PPP2R5A: variants seen among roughly 807,000 people sequenced by gnomAD.
The protein encoded by PPP2R5A is protein phosphatase 2 regulatory subunit B'alpha.
Under a neutral mutation model 64.2 loss-of-function variants are expected in PPP2R5A, and 25 were observed. That is an observed-to-expected ratio of 0.39 (90% CI 0.28 to 0.54). PPP2R5A has a LOEUF of 0.54. PPP2R5A is among the 20% of genes least tolerant of loss of function. PPP2R5A has a pLI of 0.67. For synonymous variants in PPP2R5A, 198 were observed against 201.2 expected (o/e 0.98, Z 0.13); for missense variants, 425 against 576.3 (o/e 0.74, Z 2.69).
At chr1:212,355,834 G>A (rs1044053113) in intron 8 of PPP2R5A, among the ~76,000 whole-genome samples, 3 of 152,098 alleles carry the variant, frequency 2.0e-5, no homozygotes, top group Non-Finnish European at 4.4e-5. Context: ...TTGGGAGGCC[G>A]AGGCTGGTGG....
intron 1 of PPP2R5A, among the ~76,000 whole-genome samples, chr1:212,293,782 T>C (rs1658644734): frequency 6.6e-6 from 1 of 152,126 alleles, no homozygotes; most frequent in African/African-American, 2.4e-5. Context: ...GGAATGGTGA[T>C]GCTAATTGCC....
In PPP2R5A at chr1:212,286,146, C is replaced by A. The variant is rs867673779; in HGVS notation, c.36C>A (p.Ser12Arg). Residue 12 changes from serine to arginine, a missense_variant, in exon 1 of 13, where the codon AGC becomes AGA. Physicochemically the swap from Ser to Arg is moderately radical, Grantham distance 110. Transcript: ENST00000261461. The part of the protein sequence containing the change: ...SSSSPPAGAA[S>R]AAISASEKVD... ...CGTCGCCGCCGGCGGGGGCTGCCAG[C>A]GCCGCCATCTCGGCCTCGGAGAAAG... 6.3e-7 allele frequency: 1 copy of A among 1,586,440 alleles called. No individual in the cohort carries two copies. The highest frequency in any genetic ancestry group is 8.6e-7 in the Non-Finnish European group (1 of 1,168,686).
At position 212,286,212 on chromosome 1, in the gene PPP2R5A, G is replaced by C; in HGVS notation, c.102G>C (p.Arg34Ser). The C allele has an allele frequency of 6.3e-7, 1 of 1,576,614 alleles. No homozygotes were observed. The highest frequency in any genetic ancestry group is 8.6e-7 in the Non-Finnish European group (1 of 1,162,538). ...FTRKSVRKAQ[R>S]QKRSQGSSQF... is the part of the protein sequence containing the mutation. Reference sequence around the variant, plus strand: ...GGAAATCGGTCCGCAAGGCGCAGAGGCAGAAGCGCTCCCAGGGCTCGTCGC... The same window carrying C: ...GGAAATCGGTCCGCAAGGCGCAGAGCCAGAAGCGCTCCCAGGGCTCGTCGC... Residue 34 changes from arginine to serine, a missense_variant, in exon 1 of 13, where the codon AGG becomes AGC. Physicochemically the swap from Arg to Ser is moderately radical, Grantham distance 110. Transcript: ENST00000261461.
At chr1:212,315,639 CTA>C (rs753137943) in intron 1 of PPP2R5A, among the ~76,000 whole-genome samples, 11 of 152,246 alleles carry the variant, frequency 7.2e-5, no homozygotes, top group Non-Finnish European at 1.2e-4. Context: ...ATATACTCAA[CTA>C]TGTAGATTTT....
chr1:212,321,105 G>T (rs1404670215), intron 1 of PPP2R5A, among the ~76,000 whole-genome samples: 1 of 134,020 alleles, frequency 7.5e-6, no homozygotes, highest in African/African-American at 2.9e-5. Flanking sequence ...GCGGCTGGCC[G>T]GGCAGAGGGG....
chr1:212,334,896 T>C (rs1471128360), intron 3 of PPP2R5A, among the ~76,000 whole-genome samples: 1 of 152,218 alleles, frequency 6.6e-6, no homozygotes, highest in East Asian at 1.9e-4. Flanking sequence ...CTGTTGTTTA[T>C]TGAGTTACAA....
chr1:212,329,271 G>A lies in PPP2R5A; in HGVS notation c.318G>A (p.Glu106=), dbSNP rs1659459271. ...IKRATLNELV[E]YVSTNRGVIV... The stretch of plus-strand genomic sequence containing the variant: ...GAGCAACACTGAATGAACTGGTTGA[G>A]TATGTTTCAACTAATCGTGGTGTAA... Residue 106 remains glutamate (E), a synonymous_variant, in exon 2 of 13, where the codon GAG becomes GAA. Transcript: ENST00000261461. The A allele has an allele frequency of 3.1e-6, 5 of 1,611,320 alleles. No individual in the cohort carries two copies. The highest frequency in any genetic ancestry group is 4.2e-6 in the Non-Finnish European group (5 of 1,179,352).
At position 212,305,129 on chromosome 1, in the gene PPP2R5A, C is replaced by T. The variant is rs542556405; in HGVS notation, c.181+18838C>T. 4.0e-5 allele frequency among the ~76,000 whole-genome samples: 6 copies of T among 150,872 alleles called. No individual in the cohort carries two copies. In the South Asian group the frequency reaches 8.4e-4, roughly 21 times the overall value. On this transcript the variant is annotated intron_variant, in intron 1 of 12. Coordinates refer to ENST00000261461, the MANE Select transcript of PPP2R5A (RefSeq NM_006243.4). ...TCAGCTCACTGCAAGCTCCGCCTCC[C>T]GGGTTCACGCCATTCTCCTGCCTCA...
chr1:212,333,313 A>G (rs1161605016), intron 2 of PPP2R5A, among the ~76,000 whole-genome samples, 184 bp from the exon 3 acceptor site: 2 of 152,212 alleles, frequency 1.3e-5, no homozygotes, highest in Non-Finnish European at 2.9e-5. Context: ...AGTCAGAGTT[A>G]TTGGATAGAG....
intron 1 of PPP2R5A, among the ~76,000 whole-genome samples, chr1:212,287,767 T>G (rs935452118): frequency 6.6e-6 from 1 of 152,226 alleles, no homozygotes; most frequent in East Asian, 1.9e-4. Context: ...TCATAGATTT[T>G]AAAATTTACA....
chr1:212,296,495 A>G (rs1204554142), intron 1 of PPP2R5A, among the ~76,000 whole-genome samples: 1 of 152,236 alleles, frequency 6.6e-6, no homozygotes, highest in African/African-American at 2.4e-5. Flanking sequence ...GTTGCTGGCC[A>G]CTTAGTCTCC....
chr1:212,322,070 C>G (rs370158381), intron 1 of PPP2R5A, among the ~76,000 whole-genome samples: 1 of 150,998 alleles, frequency 6.6e-6, no homozygotes. Context: ...CGCCTGCAAT[C>G]GCAGGCACTC....
intron 1 of PPP2R5A, among the ~76,000 whole-genome samples, chr1:212,308,547 T>TACAG (rs1658963749): frequency 6.6e-6 from 1 of 152,086 alleles, no homozygotes; most frequent in Non-Finnish European, 1.5e-5. Context: ...TAGTTGGGAC[T>TACAG]ACAGGCACCT....
At chr1:212,324,117 A>G (rs1247104528) in intron 1 of PPP2R5A, among the ~76,000 whole-genome samples, 1 of 152,176 alleles carries the variant, frequency 6.6e-6, no homozygotes, top group Non-Finnish European at 1.5e-5. Context: ...TACTACGATT[A>G]TGCTTAACGA....
chr1:212,327,840 A>G (rs557937376), intron 1 of PPP2R5A, among the ~76,000 whole-genome samples: 20 of 151,928 alleles, frequency 1.3e-4, no homozygotes, highest in Non-Finnish European at 2.6e-4. Context: ...ATTGATTGAG[A>G]TGTTGTCTCT....
chr1:212,334,986 T>C (rs1659565828), intron 3 of PPP2R5A, among the ~76,000 whole-genome samples: 2 of 152,146 alleles, frequency 1.3e-5, no homozygotes, highest in Admixed American at 1.3e-4. Flanking sequence ...TTTCCTGCCC[T>C]TTTTCTCTCA....
intron 1 of PPP2R5A, among the ~76,000 whole-genome samples, chr1:212,295,868 T>A (rs1283159270): frequency 6.6e-6 from 1 of 151,806 alleles, no homozygotes; most frequent in Admixed American, 6.6e-5. Context: ...GGATAATGAG[T>A]AGAAATTGTA....
intron 1 of PPP2R5A, among the ~76,000 whole-genome samples, chr1:212,327,476 G>C (rs148378719): frequency 0.023 from 3,447 of 152,218 alleles, 46 homozygotes; most frequent in African/African-American, 0.027. Flanking sequence ...GTGCAGTGGC[G>C]CTATCTCGGC....
At chr1:212,350,887 C>G (rs552939388) in intron 8 of PPP2R5A, among the ~76,000 whole-genome samples, 3 of 151,498 alleles carry the variant, frequency 2.0e-5, no homozygotes, top group Non-Finnish European at 4.4e-5. Context: ...CCTGTAATCC[C>G]AGCACTTTGG....
Sources: gnomAD v4.1 joint callset for allele counts (sites outside exome capture counted in the v4.1 genomes callset) on GRCh38, gnomAD v4.1.1 for gene constraint, MANE v1.5 for transcripts, NCBI Gene and HGNC (gene_info 2026-07-23, HGNC 2026-07-21) for gene names.